LPCAT1: variants seen among roughly 807,000 people sequenced by gnomAD.
The protein encoded by LPCAT1 is 1-acylglycerol-3-phosphate O-acyltransferase.
A neutral mutation model predicts 60.9 loss-of-function variants in LPCAT1; 23 were observed. The ratio of observed to expected loss-of-function variants is 0.38; its 90% confidence interval spans 0.27 to 0.53. LPCAT1 has a LOEUF of 0.53. LPCAT1 is among the 20% of genes least tolerant of loss of function. The probability of loss-of-function intolerance (pLI) is 0.82; values close to 1 mark genes in which losing one functional copy is unlikely to be tolerated. For missense variants in LPCAT1, 622 were observed against 723.6 expected (o/e 0.86, Z 1.61); for synonymous variants, 340 against 301.1 (o/e 1.13, Z -1.34).
intron 6 of LPCAT1, among the ~76,000 whole-genome samples, chr5:1,482,515 CTGGGGTGGGGTGGGG>C (rs1242188749): frequency 4.0e-4 from 1 of 2,530 alleles, no homozygotes; most frequent in Non-Finnish European, 6.6e-4. Flanking sequence ...GTGGGGTGGG[CTGGGGTGGGGTGGGG>C]TGGGGCAGAG....
At position 1,503,286 on chromosome 5, in the gene LPCAT1, A is replaced by T. The variant is rs777086584; in HGVS notation, c.136-1683T>A. Among the ~76,000 whole-genome samples the T allele has an allele frequency of 1.3e-4, 20 of 152,350 alleles. 1 individual carries two copies. Among genetic ancestry groups the T allele is most frequent in the Admixed American group, 5.9e-4 (9 of 15,308 alleles). ...TATCCCGCCATTGGTGACGATCGTC[A>T]CTGTTCCACATCGTGTTACTGGCAT... On this transcript the variant is annotated intron_variant, in intron 1 of 13. Transcript: ENST00000283415.
intron 2 of LPCAT1, among the ~76,000 whole-genome samples, chr5:1,498,749 C>CG (rs1278765067): frequency 6.6e-6 from 1 of 152,144 alleles, no homozygotes; most frequent in Non-Finnish European, 1.5e-5. Flanking sequence ...CATGCACTCA[C>CG]ATGTACACAC....
In LPCAT1 at chr5:1,484,392, G is replaced by GT. The variant is rs570269633; in HGVS notation, c.668-907dup. Among the ~76,000 whole-genome samples the GT allele has an allele frequency of 5.0e-3, 767 of 152,136 alleles. 7 individuals are homozygous for GT. Among genetic ancestry groups the GT allele is most frequent in the African/African-American group, 0.017 (723 of 41,486 alleles). Reference sequence around the variant, plus strand: ...TTCTATTTAAATCTCTATTGAAAGAGTTTTTTTTTAACTGGAAAACTCAGG... The same window carrying GT: ...TTCTATTTAAATCTCTATTGAAAGAGTTTTTTTTTTAACTGGAAAACTCAGG... On this transcript the variant is annotated intron_variant, in intron 5 of 13. Coordinates refer to ENST00000283415, the MANE Select transcript of LPCAT1 (RefSeq NM_024830.5).
In LPCAT1 at chr5:1,481,310, TCCTC is replaced by T. The variant is rs1370675255; in HGVS notation, c.727-338_727-335del. Among the ~76,000 whole-genome samples the T allele has an allele frequency of 1.3e-5, 2 of 151,888 alleles. No homozygotes were observed. On this transcript the variant is annotated intron_variant, in intron 6 of 13. Coordinates refer to ENST00000283415, the MANE Select transcript of LPCAT1 (RefSeq NM_024830.5). The surrounding 1 kb of genome is among the most constrained non-coding windows in gnomAD (Gnocchi z 7.8). The stretch of plus-strand genomic sequence containing the variant: ...GAGCCCCTAGAACCTGGGAAAAGGG[TCCTC>T]CCTCCCTCCATGCTCTCCGCTTTCC...
Position 1,523,901 on chromosome 5 carries a change from G to T in LPCAT1, c.-57C>A, listed in dbSNP as rs898156511. On this transcript the variant is annotated 5_prime_UTR_variant, in exon 1 of 14. Coordinates refer to ENST00000283415, the MANE Select transcript of LPCAT1 (RefSeq NM_024830.5). This position sits in a 1 kb window ranked among gnomAD's most constrained non-coding sequence, Gnocchi z 7.1. ...GCTGCCTGGGGCGCCGAGCGGGGCC[G>T]GGGCTAGCTGGGCGCGGGTCTCGGG... The T allele has an allele frequency of 9.9e-7, 1 of 1,006,388 alleles. No homozygotes were observed. Among genetic ancestry groups the T allele is most frequent in the Non-Finnish European group, 1.2e-6 (1 of 843,528 alleles). The allele number at this position is 1,006,388 out of a possible 1,614,324, so 62.3% of individuals were successfully genotyped here.
At chr5:1,494,155 C>G (rs796968345) in intron 3 of LPCAT1, among the ~76,000 whole-genome samples, 3 of 152,128 alleles carry the variant, frequency 2.0e-5, no homozygotes, top group African/African-American at 7.2e-5. Context: ...CCCTGGTTCA[C>G]GGCACAGCCG....
At position 1,487,939 on chromosome 5, in the gene LPCAT1, C is replaced by T. The variant is rs574036034; in HGVS notation, c.667+452G>A. On this transcript the variant is annotated intron_variant, in intron 5 of 13. Transcript: ENST00000283415. This position sits in a 1 kb window ranked among gnomAD's most constrained non-coding sequence, Gnocchi z 6.1. ...AAGTTCACACGCATTTGAGTCCCCC[C>T]TCCCCAGGGAGAAAGAACACTGTCT... 1.7e-4 allele frequency among the ~76,000 whole-genome samples: 26 copies of T among 152,306 alleles called. No individual in the cohort carries two copies. Among genetic ancestry groups the T allele is most frequent in the African/African-American group, 6.3e-4 (26 of 41,562 alleles).
At chr5:1,501,321 G>T in intron 2 of LPCAT1, 140 bp downstream of exon 2, 3 of 1,207,020 alleles carry the variant, frequency 2.5e-6, no homozygotes, top group Non-Finnish European at 3.4e-6. Context: ...GCAGGGGGCA[G>T]CCCTGGTGGA....
In LPCAT1 at chr5:1,470,838, CTGGA is replaced by C. The variant is rs1734638682; in HGVS notation, c.1262_1265del (p.Ile421SerfsTer35). 1 of 1,613,588 alleles carries C rather than the reference CTGGA, an allele frequency of 6.2e-7. No individual in the cohort carries two copies. Among genetic ancestry groups the C allele is most frequent in the Non-Finnish European group, 8.5e-7 (1 of 1,179,928 alleles). ...ACTCTGCACTCACCTTGAAAGCCAG[CTGGA>C]TGGTGTCCAGGGTCCGGGCCGGCCG... On this transcript the variant is annotated frameshift_variant, in exon 12 of 14. Coordinates refer to ENST00000283415, the MANE Select transcript of LPCAT1 (RefSeq NM_024830.5). LOFTEE classifies it high-confidence loss of function.
chr5:1,504,273 A>C (rs1217850592), intron 1 of LPCAT1, among the ~76,000 whole-genome samples: 1 of 152,162 alleles, frequency 6.6e-6, no homozygotes, highest in Admixed American at 6.5e-5. Flanking sequence ...ATTCCCATCT[A>C]CTGTTACTGT....
Position 1,523,212 on chromosome 5 carries a change from G to C in LPCAT1, c.135+498C>G, listed in dbSNP as rs1736726905. ...GCACACGAGGCTCACCCAGAGCCGC[G>C]GTGCCCTCCCGCCCGCGGGCCGCGT... On this transcript the variant is annotated intron_variant, in intron 1 of 13. Transcript: ENST00000283415. This position sits in a 1 kb window ranked among gnomAD's most constrained non-coding sequence, Gnocchi z 7.1. Among the ~76,000 whole-genome samples the C allele has an allele frequency of 6.6e-6, 1 of 151,948 alleles. No individual in the cohort carries two copies. The highest frequency in any genetic ancestry group is 1.5e-5 in the Non-Finnish European group (1 of 67,948).
rs1313332100 is a variant in LPCAT1 at position 1,467,682 on chromosome 5, GTGGGGTGCA to G, written c.1279-801_1279-793del. ...CTCCTTGGAAACACTTCGGCTCCCT[GTGGGGTGCA>G]GGGTCCTGCCCCAGCCCTTTAGGCT... is the stretch of plus-strand genomic sequence containing the variant. On this transcript the variant is annotated intron_variant, in intron 12 of 13. Transcript: ENST00000283415. Among the ~76,000 whole-genome samples the G allele has an allele frequency of 3.1e-3, 479 of 152,120 alleles. 2 individuals carry two copies. The highest frequency in any genetic ancestry group is 0.011 in the African/African-American group (450 of 41,512).
chr5:1,474,878 G>A (rs1579765001), intron 9 of LPCAT1, among the ~76,000 whole-genome samples, 193 bp from the exon 10 acceptor site: 2 of 152,366 alleles, frequency 1.3e-5, no homozygotes, highest in South Asian at 4.1e-4. Context: ...CTGAAACGAT[G>A]ACGGCAGCCA....
In LPCAT1 at chr5:1,514,965, G is replaced by A. The variant is rs141060097; in HGVS notation, c.135+8745C>T. 5.1e-3 allele frequency among the ~76,000 whole-genome samples: 772 copies of A among 152,316 alleles called. 7 individuals are homozygous for A. Among genetic ancestry groups the A allele is most frequent in the African/African-American group, 0.018 (730 of 41,554 alleles). On this transcript the variant is annotated intron_variant, in intron 1 of 13. Transcript: ENST00000283415. ...AAAAGAATCCTGAAATTCAGGATCC[G>A]TGGCATTTCTAGCTGCTTGCATTTG...
rs1560970471 is a variant in LPCAT1 at position 1,487,127 on chromosome 5, C to T, written c.667+1264G>A. ...GAACACCTGCCCTTGAAGACAGGGC[C>T]CAGCAGTGACCCCAGCCCCACACCT... On this transcript the variant is annotated intron_variant, in intron 5 of 13. Coordinates refer to ENST00000283415, the MANE Select transcript of LPCAT1 (RefSeq NM_024830.5). This position sits in a 1 kb window ranked among gnomAD's most constrained non-coding sequence, Gnocchi z 6.1. Among the ~76,000 whole-genome samples, 1 of 152,182 alleles carries T rather than the reference C, an allele frequency of 6.6e-6. No individual in the cohort carries two copies. The highest frequency in any genetic ancestry group is 1.5e-5 in the Non-Finnish European group (1 of 68,028).
chr5:1,522,130 T>C lies in LPCAT1; in HGVS notation c.135+1580A>G, dbSNP rs1201460890. Among the ~76,000 whole-genome samples the C allele has an allele frequency of 6.6e-6, 1 of 152,092 alleles. No individual in the cohort carries two copies. Among genetic ancestry groups the C allele is most frequent in the Non-Finnish European group, 1.5e-5 (1 of 68,010 alleles). On this transcript the variant is annotated intron_variant, in intron 1 of 13. Transcript: ENST00000283415. The surrounding 1 kb of genome is among the most constrained non-coding windows in gnomAD (Gnocchi z 6.8). ...GGCAGGAGCAGGGCTGGGGAAGCCC[T>C]GGAAACCACAGCAGGGGTTCGAATT... is the stretch of plus-strand genomic sequence containing the variant.
chr5:1,497,475 A>G (rs1386560285), intron 2 of LPCAT1, among the ~76,000 whole-genome samples: 1 of 152,286 alleles, frequency 6.6e-6, no homozygotes, highest in Non-Finnish European at 1.5e-5. Context: ...ACATGTACAC[A>G]GCCTGAGTGC....
At chr5:1,507,661 G>A (rs925855018) in intron 1 of LPCAT1, among the ~76,000 whole-genome samples, 16 of 152,200 alleles carry the variant, frequency 1.1e-4, no homozygotes, top group African/African-American at 3.6e-4. Flanking sequence ...CCAGGAGCAC[G>A]GCGCGGCCCA....
At chr5:1,498,260 C>T (rs1165176885) in intron 2 of LPCAT1, among the ~76,000 whole-genome samples, 3 of 152,228 alleles carry the variant, frequency 2.0e-5, no homozygotes, top group East Asian at 1.9e-4. Context: ...TCCCTAACTA[C>T]GGTGCTTTTG....
Sources: allele counts gnomAD v4.1 joint callset (sites outside exome capture counted in the v4.1 genomes callset), GRCh38; gene constraint gnomAD v4.1.1; non-coding constraint Gnocchi (gnomAD v3.1); transcripts MANE v1.5; gene names NCBI Gene and HGNC (gene_info 2026-07-23, HGNC 2026-07-21).